The following DIAPH2 variants were observed in gnomAD, a reference collection of about 807,000 sequenced individuals.
DIAPH2 encodes diaphanous related formin 2.
Under a neutral mutation model 92.7 loss-of-function variants are expected in DIAPH2, and 35 were observed. That is an observed-to-expected ratio of 0.38 (90% CI 0.29 to 0.50). The LOEUF is 0.50. Among genes scored for constraint, DIAPH2 ranks in the 20% least tolerant of loss-of-function variants. DIAPH2 has a pLI of 0.94. For missense variants in DIAPH2, 701 were observed against 819.5 expected, an observed-to-expected ratio of 0.86 and a Z score of 1.77; for synonymous variants, 301 against 280.4, an observed-to-expected ratio of 1.07 and a Z score of -0.73.
At chrX:97,563,007 G>A (rs2071304574) in intron 26 of DIAPH2, among the ~76,000 whole-genome samples, 2 of 112,332 alleles carry the variant, frequency 1.8e-5, no homozygotes, top group Non-Finnish European at 3.8e-5. Context: ...CTGTTGAAAT[G>A]TCCACAGGAA....
At chrX:97,117,251 G>A (rs745473115) in intron 21 of DIAPH2, among the ~76,000 whole-genome samples, 52 of 111,612 alleles carry the variant, frequency 4.7e-4, no homozygotes, top group African/African-American at 1.6e-3. Flanking sequence ...GGAATACAAA[G>A]GATTGTGAGT....
At chrX:97,245,430 C>T (rs756039887) in intron 22 of DIAPH2, among the ~76,000 whole-genome samples, 2 of 110,713 alleles carry the variant, frequency 1.8e-5, no homozygotes, top group Non-Finnish European at 3.8e-5. Context: ...CCTCCCATCT[C>T]ATTTTCTTTT....
At chrX:97,423,551 T>A (rs1242572988) in intron 25 of DIAPH2, among the ~76,000 whole-genome samples, 1 of 111,582 alleles carries the variant, frequency 9.0e-6, no homozygotes, top group African/African-American at 3.3e-5. Flanking sequence ...AAATGACAAA[T>A]ACTAAGGGAA....
At chrX:97,519,348 C>CA (rs199497469) in intron 26 of DIAPH2, among the ~76,000 whole-genome samples, 2,162 of 110,997 alleles carry the variant, frequency 0.019, 21 homozygotes, top group Non-Finnish European at 0.033. Context: ...ACATCTGTTT[C>CA]AAAAAAAATT....
chrX:96,917,354 G>C (rs2065511389), intron 8 of DIAPH2, among the ~76,000 whole-genome samples: 1 of 111,130 alleles, frequency 9.0e-6, no homozygotes, highest in Non-Finnish European at 1.9e-5. Flanking sequence ...ATAACTGTTA[G>C]AGTAAAATGA....
chrX:97,585,153 G>T (rs1434178480), intron 26 of DIAPH2, among the ~76,000 whole-genome samples: 3 of 110,900 alleles, frequency 2.7e-5, no homozygotes, highest in African/African-American at 6.6e-5. Flanking sequence ...ATGATGCAGG[G>T]TATCCTTATG....
intron 26 of DIAPH2, among the ~76,000 whole-genome samples, chrX:97,592,919 A>G (rs1170943019): frequency 8.9e-6 from 1 of 111,929 alleles, no homozygotes; most frequent in Non-Finnish European, 1.9e-5. Context: ...TTTTCTTTGC[A>G]CGGATTTATT....
At chrX:97,116,575 C>T (rs1175449750) in intron 21 of DIAPH2, among the ~76,000 whole-genome samples, 1 of 111,756 alleles carries the variant, frequency 8.9e-6, no homozygotes, top group Non-Finnish European at 1.9e-5. Context: ...CATGGTGCTA[C>T]TTGCCTAGAG....
chrX:97,405,474 G>A (rs772147037), intron 25 of DIAPH2, among the ~76,000 whole-genome samples: 63 of 111,941 alleles, frequency 5.6e-4, no homozygotes, highest in South Asian at 1.1e-3. Context: ...CCAAGCCTCC[G>A]CTTGTCTTGA....
chrX:97,183,530 T>C (rs2067557050), intron 22 of DIAPH2, among the ~76,000 whole-genome samples: 1 of 112,359 alleles, frequency 8.9e-6, no homozygotes, highest in African/African-American at 3.2e-5. Context: ...GATTGCAGTC[T>C]TTTCAAAAGT....
intron 15 of DIAPH2, among the ~76,000 whole-genome samples, chrX:96,950,338 A>G (rs1362111951): frequency 9.0e-6 from 1 of 111,298 alleles, no homozygotes; most frequent in African/African-American, 3.3e-5. Flanking sequence ...AGCTACCCCC[A>G]TAGGATGGTC....
In DIAPH2 at chrX:97,457,052, G is replaced by T. The variant is rs368952891; in HGVS notation, c.3241+27307G>T. 1.4e-4 allele frequency among the ~76,000 whole-genome samples: 16 copies of T among 111,524 alleles called. No homozygotes were observed. The East Asian group carries it at 1.7e-3, about 12-fold the overall frequency. ...TTTTTTGTTTTTGAGATGGAGTCTT[G>T]CTCTGTCACTCAGGCTGGAGTGCAG... On this transcript the variant is annotated intron_variant, in intron 26 of 26. Transcript: ENST00000324765.
intron 22 of DIAPH2, among the ~76,000 whole-genome samples, chrX:97,163,778 G>T (rs1308027499): frequency 4.5e-5 from 5 of 111,885 alleles, no homozygotes; most frequent in Non-Finnish European, 9.4e-5. Context: ...ATTCCTCTTA[G>T]CCTGTTGCCT....
rs139721311 is a variant in DIAPH2 at position 97,041,228 on chromosome X, G to A, written c.2051-31713G>A. On this transcript the variant is annotated intron_variant, in intron 17 of 26. Transcript: ENST00000324765. Reference sequence around the variant, plus strand: ...TGCCAACCTACGCACACCCGATGATGATGTTGAGGTCATTTGTGAGAAAAG... The same window carrying A: ...TGCCAACCTACGCACACCCGATGATAATGTTGAGGTCATTTGTGAGAAAAG... 4.4e-4 allele frequency among the ~76,000 whole-genome samples: 49 copies of A among 111,303 alleles called. 1 individual carries two copies. The highest frequency in any genetic ancestry group is 1.6e-3 in the African/African-American group (49 of 30,778).
chrX:97,246,313 CAGAG>C (rs2033894100), intron 22 of DIAPH2, among the ~76,000 whole-genome samples: 1 of 111,447 alleles, frequency 9.0e-6, no homozygotes, highest in Non-Finnish European at 1.9e-5. Flanking sequence ...ATTTTAAAAT[CAGAG>C]AGAATTATTT....
At chrX:97,449,248 A>G (rs990994651) in intron 26 of DIAPH2, among the ~76,000 whole-genome samples, 1 of 111,887 alleles carries the variant, frequency 8.9e-6, no homozygotes, top group Non-Finnish European at 1.9e-5. Flanking sequence ...CTTTCCCCAC[A>G]AAGTTATTAC....
chrX:96,965,222 A>G lies in DIAPH2; in HGVS notation c.2050+15A>G. Reference sequence around the variant, plus strand: ...TCAGATAAAAGGTACATTTTTAAAAATAAAATATAAGTTCCCGATTCAGGT... The same window carrying G: ...TCAGATAAAAGGTACATTTTTAAAAGTAAAATATAAGTTCCCGATTCAGGT... On this transcript the variant is annotated intron_variant, in intron 17 of 26. Transcript: ENST00000324765. 1.8e-6 allele frequency: 2 copies of G among 1,115,392 alleles called. No homozygotes were observed. Among genetic ancestry groups the G allele is most frequent in the Non-Finnish European group, 2.4e-6 (2 of 837,346 alleles). The allele number at this position is 1,115,392 out of a possible 1,213,427, so 91.9% of individuals were successfully genotyped here. A position where few individuals can be genotyped will look rare whatever the true frequency, so the allele number is the denominator to read the frequency against.
chrX:97,208,734 G>C (rs912956081), intron 22 of DIAPH2, among the ~76,000 whole-genome samples: 1 of 111,262 alleles, frequency 9.0e-6, no homozygotes, highest in African/African-American at 3.3e-5. Flanking sequence ...CATTCTGTTG[G>C]CCCAGAATTA....
chrX:97,515,457 A>G (rs1185093836), intron 26 of DIAPH2, among the ~76,000 whole-genome samples: 1 of 112,238 alleles, frequency 8.9e-6, no homozygotes, highest in Non-Finnish European at 1.9e-5. Flanking sequence ...GGAAATGCAG[A>G]AATCACCTGT....
Sources: allele counts gnomAD v4.1 joint callset (sites outside exome capture counted in the v4.1 genomes callset), GRCh38; gene constraint gnomAD v4.1.1; transcripts MANE v1.5; gene names NCBI Gene and HGNC (gene_info 2026-07-23, HGNC 2026-07-21).